The following PLEKHA2 variants were observed in gnomAD, a reference collection of about 807,000 sequenced individuals.
PLEKHA2 encodes pleckstrin homology domain-containing family A member 2.
PLEKHA2 carries 28 observed loss-of-function variants against 53.2 expected under a neutral mutation model. The ratio of observed to expected loss-of-function variants is 0.53; its 90% confidence interval spans 0.39 to 0.72. PLEKHA2 has a LOEUF of 0.72. Ranked by LOEUF, PLEKHA2 falls within the 30% of genes least tolerant of loss-of-function variation. The pLI is 0.00. For missense variants in PLEKHA2, 426 were observed against 537.9 expected (o/e 0.79, Z 2.06); for synonymous variants, 193 against 196.4 (o/e 0.98, Z 0.14).
rs1396523519 is a variant in PLEKHA2 at position 38,943,856 on chromosome 8, G to T, written c.247+19G>T. 2.6e-6 allele frequency: 4 copies of T among 1,563,340 alleles called. No individual in the cohort carries two copies. In the South Asian group the frequency reaches 4.8e-5, roughly 19 times the overall value. ...TGCTTTGGTAAGTACTGAGCCAGGG[G>T]AGGGACTCATTTAATATTGACATGG... On this transcript the variant is annotated intron_variant, in intron 4 of 11. Transcript: ENST00000617275.
At chr8:38,955,197 T>A (rs1282476758) in intron 9 of PLEKHA2, among the ~76,000 whole-genome samples, 2 of 152,160 alleles carry the variant, frequency 1.3e-5, no homozygotes, top group Non-Finnish European at 2.9e-5. Flanking sequence ...TAGTCTTTTA[T>A]CCCTCACCCC....
rs1017448309 is a variant in PLEKHA2 at position 38,931,774 on chromosome 8, T to C, written c.142-4220T>C. Among the ~76,000 whole-genome samples the C allele has an allele frequency of 2.0e-5, 3 of 152,132 alleles. No individual in the cohort carries two copies. The South Asian group carries it at 6.2e-4, about 32-fold the overall frequency. The stretch of plus-strand genomic sequence containing the variant: ...ATGACCTTCGTGTGCTTCCGTCCAG[T>C]AGGAAGAGACCTAAACTCTCAGAAA... On this transcript the variant is annotated intron_variant, in intron 2 of 11. Transcript: ENST00000617275.
intron 1 of PLEKHA2, chr8:38,902,169 T>C (rs1833797421): frequency 1.5e-5 from 2 of 129,388 alleles, no homozygotes; most frequent in Non-Finnish European, 3.1e-5. Context: ...CCTCCAGTCC[T>C]AAAGACGATT....
intron 1 of PLEKHA2, among the ~76,000 whole-genome samples, chr8:38,907,818 TTATG>T (rs79770085): frequency 0.041 from 5,979 of 147,232 alleles, 163 homozygotes; most frequent in Non-Finnish European, 0.052. Context: ...GCCACTTATT[TTATG>T]TATGTATGTA....
chr8:38,967,251 C>A (rs1835156236), intron 10 of PLEKHA2, among the ~76,000 whole-genome samples: 1 of 152,124 alleles, frequency 6.6e-6, no homozygotes, highest in Admixed American at 6.5e-5. Flanking sequence ...GCAATAAACA[C>A]AAGGGTGCAG....
chr8:38,923,168 T>C (rs1834222685), intron 2 of PLEKHA2, among the ~76,000 whole-genome samples: 1 of 152,198 alleles, frequency 6.6e-6, no homozygotes, highest in Non-Finnish European at 1.5e-5. Flanking sequence ...GAGAAGCAGT[T>C]GCCATTTTCC....
chr8:38,916,483 T>C (rs1175067345), intron 1 of PLEKHA2, among the ~76,000 whole-genome samples: 1 of 152,194 alleles, frequency 6.6e-6, no homozygotes. Flanking sequence ...ATTGATTTGA[T>C]TTTTAGATCC....
At chr8:38,920,253 C>G (rs1834156657) in intron 2 of PLEKHA2, among the ~76,000 whole-genome samples, 1 of 152,068 alleles carries the variant, frequency 6.6e-6, no homozygotes, top group African/African-American at 2.4e-5. Flanking sequence ...CGGGTTCACG[C>G]CATTCTCCTG....
At position 38,901,449 on chromosome 8, in the gene PLEKHA2, A is replaced by G. The variant is rs1386865979; in HGVS notation, c.-24+4A>G. ...GCCCCGGCCCCTGCACGGGGGGGTA[A>G]GTTGGGCGCCCTCGCGGGCTCGGGA... On this transcript the variant is annotated splice_donor_region_variant and intron_variant, in intron 1 of 11. Transcript: ENST00000617275. 1 of 151,280 alleles carries G rather than the reference A, an allele frequency of 6.6e-6. No homozygotes were observed. Among genetic ancestry groups the G allele is most frequent in the Non-Finnish European group, 1.5e-5 (1 of 67,782 alleles). 9.4% of individuals were successfully genotyped at this position (151,280 alleles called of 1,614,324 possible).
intron 1 of PLEKHA2, chr8:38,902,080 A>C (rs1435405291): frequency 1.3e-5 from 2 of 152,264 alleles, no homozygotes; most frequent in Non-Finnish European, 2.9e-5. Context: ...GTTCGGTGCC[A>C]GGTTGGGTGA....
intron 5 of PLEKHA2, among the ~76,000 whole-genome samples, chr8:38,946,910 T>C (rs1834726003): frequency 1.3e-5 from 2 of 152,226 alleles, no homozygotes; most frequent in African/African-American, 4.8e-5. Flanking sequence ...GCTTCTTTGC[T>C]GAAAAGTTTG....
chr8:38,960,924 A>C (rs1835029647), intron 10 of PLEKHA2: 1 of 152,228 alleles, frequency 6.6e-6, no homozygotes, highest in African/African-American at 2.4e-5. Context: ...CTTTTTATCC[A>C]TGCATGGTTT....
chr8:38,901,479 A>T (rs1004063739), intron 1 of PLEKHA2, 34 bp downstream of exon 1: 1 of 150,864 alleles, frequency 6.6e-6, no homozygotes, highest in Non-Finnish European at 1.5e-5. Flanking sequence ...TCGGGAGTGG[A>T]GAGGCGCAGA....
At chr8:38,923,400 T>G (rs1331356210) in intron 2 of PLEKHA2, among the ~76,000 whole-genome samples, 2 of 152,302 alleles carry the variant, frequency 1.3e-5, no homozygotes, top group East Asian at 3.9e-4. Context: ...AGAGATGGGG[T>G]TTCACTATGT....
At position 38,931,310 on chromosome 8, in the gene PLEKHA2, G is replaced by C. The variant is rs112121698; in HGVS notation, c.142-4684G>C. Among the ~76,000 whole-genome samples the C allele has an allele frequency of 5.7e-3, 866 of 152,194 alleles. 2 individuals are homozygous for C. The highest frequency in any genetic ancestry group is 0.044 in the Middle Eastern group (13 of 294). On this transcript the variant is annotated intron_variant, in intron 2 of 11. Transcript: ENST00000617275. ...ACATAAATAAAAGATACCTCCCGAG[G>C]TGATTCACATAAGCAGCCTTCCAGA...
At chr8:38,959,821 T>C (rs1835009903) in intron 10 of PLEKHA2, among the ~76,000 whole-genome samples, 1 of 152,150 alleles carries the variant, frequency 6.6e-6, no homozygotes, top group Non-Finnish European at 1.5e-5. Context: ...AGCCTCAGGA[T>C]GGCTCATGGC....
Position 38,969,847 on chromosome 8 carries a change from A to C in PLEKHA2, c.*64A>C, listed in dbSNP as rs1835213900. The stretch of plus-strand genomic sequence containing the variant: ...ACTTGAGAGAAGGAGGCTGTGACTC[A>C]GTTTCTCTACCTTGTTGGAGGGTAG... On this transcript the variant is annotated 3_prime_UTR_variant, in exon 12 of 12. Coordinates refer to ENST00000617275, the MANE Select transcript of PLEKHA2 (RefSeq NM_021623.2). 2 of 1,534,982 alleles carry C rather than the reference A, an allele frequency of 1.3e-6. No individual in the cohort carries two copies. The highest frequency in any genetic ancestry group is 1.7e-6 in the Non-Finnish European group (2 of 1,143,706).
At chr8:38,962,274 A>G (rs1254640709) in intron 10 of PLEKHA2, among the ~76,000 whole-genome samples, 3 of 152,148 alleles carry the variant, frequency 2.0e-5, no homozygotes, top group Admixed American at 2.0e-4. Flanking sequence ...GGATTGTTGG[A>G]GCCCAGGAGT....
chr8:38,943,483 A>T (rs902079787), intron 3 of PLEKHA2, among the ~76,000 whole-genome samples: 3 of 152,010 alleles, frequency 2.0e-5, no homozygotes, highest in African/African-American at 7.2e-5. Context: ...GAGACCCTAT[A>T]TCTAAATAAA....
Sources: gnomAD v4.1 joint callset for allele counts (sites outside exome capture counted in the v4.1 genomes callset) on GRCh38, gnomAD v4.1.1 for gene constraint, MANE v1.5 for transcripts, NCBI Gene and HGNC (gene_info 2026-07-23, HGNC 2026-07-21) for gene names.